The following RFC2 variants were observed in gnomAD, a reference collection of about 807,000 sequenced individuals.
The protein encoded by RFC2 is A1 40 kDa subunit.
RFC2 carries 34 observed loss-of-function variants against 44.8 expected under a neutral mutation model. The observed-to-expected ratio is 0.76, with a 90% CI of 0.58 to 1.01. The LOEUF is 1.01. Among genes scored for constraint, RFC2 ranks in the 50% least tolerant of loss-of-function variants. RFC2 has a pLI of 0.00. For missense variants in RFC2, 400 were observed against 453.6 expected (o/e 0.88, Z 1.07); for synonymous variants, 177 against 168.9 (o/e 1.05, Z -0.37).
Position 74,235,129 on chromosome 7 carries a change from C to G in RFC2, c.954+403G>C, listed in dbSNP as rs566588275. Among the ~76,000 whole-genome samples, 21 of 152,284 alleles carry G rather than the reference C, an allele frequency of 1.4e-4. 1 individual carries two copies. In the South Asian group the frequency reaches 4.3e-3, roughly 32 times the overall value. On this transcript the variant is annotated intron_variant, in intron 10 of 10. Coordinates refer to ENST00000055077, the MANE Select transcript of RFC2 (RefSeq NM_181471.3). ...TTGGCTCACTGCAACCTCCACCTCC[C>G]AGGTTCAAGCGATCCTCCTCCCTCA... is the stretch of plus-strand genomic sequence containing the variant.
At chr7:74,248,980 C>T (rs1554720548) in intron 4 of RFC2, 32 bp downstream of exon 4, 12 of 1,471,642 alleles carry the variant, frequency 8.2e-6, no homozygotes, top group African/African-American at 6.9e-5. Flanking sequence ...GCAGAGCACC[C>T]GCCCCCCTAC....
intron 4 of RFC2, among the ~76,000 whole-genome samples, chr7:74,247,352 T>C (rs1322567606): frequency 6.6e-6 from 1 of 152,114 alleles, no homozygotes; most frequent in Non-Finnish European, 1.5e-5. Flanking sequence ...AGAAAATAAC[T>C]GCAATGTAGG....
At chr7:74,249,823 TG>T in intron 2 of RFC2, 43 bp from the exon 3 acceptor site, 1 of 1,530,120 alleles carries the variant, frequency 6.5e-7, no homozygotes, top group Non-Finnish European at 9.1e-7. Flanking sequence ...AACTTGCTTC[TG>T]GATGACTACA....
chr7:74,242,368 G>C (rs1388051757), intron 6 of RFC2, among the ~76,000 whole-genome samples: 2 of 151,978 alleles, frequency 1.3e-5, no homozygotes, highest in Admixed American at 6.6e-5. Context: ...CTCCAAGCTC[G>C]TTTTCTTTCT....
intron 10 of RFC2, among the ~76,000 whole-genome samples, chr7:74,233,279 G>A (rs558670563): frequency 3.3e-5 from 5 of 152,280 alleles, no homozygotes; most frequent in South Asian, 4.1e-4. Flanking sequence ...TTGGGAGGCC[G>A]AGGCGGGAGG....
In RFC2 at chr7:74,254,310, C is replaced by G; in HGVS notation, c.74G>C (p.Ser25Thr). The part of the protein sequence containing the change: ...AQDSDPAPAF[S>T]KAPGSAGHYE... ...GTGGCCGGCGCTGCCGGGGGCCTTG[C>G]TGAAGGCAGGGGCAGGGTCAGAGTC... is the stretch of plus-strand genomic sequence containing the variant. Residue 25 changes from serine (S) to threonine (T), a missense_variant, in exon 1 of 11, where the codon AGC (serine) becomes ACC (threonine). Coordinates refer to ENST00000055077, the MANE Select transcript of RFC2 (RefSeq NM_181471.3). 1 of 1,612,834 alleles carries G rather than the reference C, an allele frequency of 6.2e-7. No individual in the cohort carries two copies. Among genetic ancestry groups the G allele is most frequent in the Non-Finnish European group, 8.5e-7 (1 of 1,179,692 alleles).
At chr7:74,251,376 A>C (rs1251624523) in intron 2 of RFC2, among the ~76,000 whole-genome samples, 1 of 151,908 alleles carries the variant, frequency 6.6e-6, no homozygotes, top group Admixed American at 6.6e-5. Flanking sequence ...TTTTTCGTAG[A>C]GACTGGTTTC....
intron 5 of RFC2, among the ~76,000 whole-genome samples, chr7:74,244,473 C>T (rs1803493742): frequency 6.6e-6 from 1 of 151,516 alleles, no homozygotes; most frequent in Non-Finnish European, 1.5e-5. Context: ...CTGCCTTGGA[C>T]TCCTTAGTAC....
chr7:74,237,982 G>T (rs1194765009), intron 8 of RFC2, among the ~76,000 whole-genome samples: 2 of 152,076 alleles, frequency 1.3e-5, no homozygotes. Context: ...TCTGCCTCTG[G>T]TACAATGTCG....
chr7:74,254,025 A>C (rs1258280920), intron 1 of RFC2, among the ~76,000 whole-genome samples: 1 of 152,152 alleles, frequency 6.6e-6, no homozygotes, highest in African/African-American at 2.4e-5. Context: ...GTAGGTGGCC[A>C]CCCGGGGTAG....
intron 3 of RFC2, among the ~76,000 whole-genome samples, chr7:74,249,396 C>A (rs1390734667): frequency 1.3e-5 from 2 of 152,072 alleles, no homozygotes. Context: ...CAAAACTTAG[C>A]TGGGCGTGAT....
At position 74,243,149 on chromosome 7, in the gene RFC2, T is replaced by C. The variant is rs1392422145; in HGVS notation, c.532A>G (p.Ile178Val). Residue 178 changes from isoleucine to valine, a missense_variant, in exon 6 of 11, where the codon ATC becomes GTC. Transcript: ENST00000055077. The part of the protein sequence containing the change: ...ALACNASDKI[I>V]EPIQSRCAVL... Reference sequence around the variant, plus strand: ...GCCACCGAAAGCTCCCACTCACCGATGATCTTATCCGAAGCATTACAAGCA... The same window carrying C: ...GCCACCGAAAGCTCCCACTCACCGACGATCTTATCCGAAGCATTACAAGCA... The C allele has an allele frequency of 1.9e-6, 3 of 1,609,834 alleles. No homozygotes were observed. Among genetic ancestry groups the C allele is most frequent in the East Asian group, 2.2e-5 (1 of 44,860 alleles).
intron 1 of RFC2, among the ~76,000 whole-genome samples, chr7:74,254,065 G>T (rs1315382347): frequency 2.0e-5 from 3 of 152,088 alleles, no homozygotes; most frequent in Non-Finnish European, 2.9e-5. Flanking sequence ...TGTAGTGAGC[G>T]AGACTCCGCT....
chr7:74,234,545 G>A (rs782230358), intron 10 of RFC2, among the ~76,000 whole-genome samples: 2 of 151,700 alleles, frequency 1.3e-5, no homozygotes, highest in Non-Finnish European at 2.9e-5. Context: ...TGGTCCTCAG[G>A]ACAATCAGCC....
Position 74,246,695 on chromosome 7 carries a change from C to T in RFC2, c.401G>A (p.Arg134Gln), listed in dbSNP as rs782112033. Residue 134 changes from arginine to glutamine, a missense_variant, in exon 5 of 11, where the codon CGA becomes CAA. Transcript: ENST00000055077. ...AQQKVTLPKG[R>Q]HKIIILDEAD... Reference sequence around the variant, plus strand: ...TTCATCCAGAATGATGATCTTATGTCGGCCTTTGGGAAGAGTGACTTTTTG... The same window carrying T: ...TTCATCCAGAATGATGATCTTATGTTGGCCTTTGGGAAGAGTGACTTTTTG... The T allele has an allele frequency of 4.3e-6, 7 of 1,611,278 alleles. No individual in the cohort carries two copies. The highest frequency in any genetic ancestry group is 5.9e-6 in the Non-Finnish European group (7 of 1,178,412).
At chr7:74,253,433 C>T (rs1420569323) in intron 1 of RFC2, among the ~76,000 whole-genome samples, 4 of 152,102 alleles carry the variant, frequency 2.6e-5, no homozygotes, top group Middle Eastern at 3.4e-3. Context: ...GGCTAGACAC[C>T]GTAGGCCTAG....
chr7:74,234,809 C>T (rs140638291), intron 10 of RFC2, among the ~76,000 whole-genome samples: 121 of 152,246 alleles, frequency 7.9e-4, no homozygotes, highest in African/African-American at 2.8e-3. Flanking sequence ...TGAGCAGAAG[C>T]AGCCTGAACC....
intron 6 of RFC2, among the ~76,000 whole-genome samples, chr7:74,242,749 TAAAAAAA>T (rs71094767): frequency 1.9e-5 from 2 of 105,650 alleles, no homozygotes; most frequent in African/African-American, 7.5e-5. Context: ...CCCCATCTCT[TAAAAAAA>T]AAAAAAAAAA....
At chr7:74,253,944 T>G (rs929076967) in intron 1 of RFC2, among the ~76,000 whole-genome samples, 3 of 151,478 alleles carry the variant, frequency 2.0e-5, no homozygotes, top group African/African-American at 7.2e-5. Context: ...TTTAAAAGAT[T>G]GAAGTTTTTG....
Sources: allele counts gnomAD v4.1 joint callset (sites outside exome capture counted in the v4.1 genomes callset), GRCh38; gene constraint gnomAD v4.1.1; transcripts MANE v1.5; gene names NCBI Gene and HGNC (gene_info 2026-07-23, HGNC 2026-07-21).